Variants in SRPK2 observed in about 807,000 individuals in gnomAD.
SRPK2 encodes the protein SFRS protein kinase 2.
Under a neutral mutation model 90.8 loss-of-function variants are expected in SRPK2, and 21 were observed. That is an observed-to-expected ratio of 0.23 (90% CI 0.16 to 0.33). The LOEUF (loss-of-function observed/expected upper bound fraction) is 0.33, where lower values mean the gene tolerates loss of function less well. Among genes scored for constraint, SRPK2 ranks in the 10% least tolerant of loss-of-function variants. The pLI is 1.00. For synonymous variants in SRPK2, 288 were observed against 311.1 expected, an observed-to-expected ratio of 0.93 and a Z score of 0.78; for missense variants, 620 against 869.0, an observed-to-expected ratio of 0.71 and a Z score of 3.60.
Position 105,287,943 on chromosome 7 carries a change from T to C in SRPK2, c.72-84158A>G, listed in dbSNP as rs1163119832. On this transcript the variant is annotated intron_variant, in intron 2 of 15. Transcript: ENST00000393651. ...AAAATACATGCCTTTTGTGGTTATA[T>C]GGCTTTCAAATGGGTACTACACAAA... Among the ~76,000 whole-genome samples the C allele has an allele frequency of 2.0e-5, 3 of 152,206 alleles. 1 individual carries two copies. The highest frequency in any genetic ancestry group is 7.2e-5 in the African/African-American group (3 of 41,438).
intron 2 of SRPK2, among the ~76,000 whole-genome samples, chr7:105,238,597 C>T (rs1435073492): frequency 6.6e-6 from 1 of 152,242 alleles, no homozygotes; most frequent in Non-Finnish European, 1.5e-5. Flanking sequence ...CCATTGCCCA[C>T]TCTTTTATTA....
intron 2 of SRPK2, among the ~76,000 whole-genome samples, chr7:105,380,103 C>T (rs1366993981): frequency 6.6e-6 from 1 of 152,190 alleles, no homozygotes; most frequent in Non-Finnish European, 1.5e-5. Context: ...AAGCAAGATC[C>T]TATCTCTAAA....
intron 2 of SRPK2, among the ~76,000 whole-genome samples, chr7:105,378,130 T>C (rs974969940): frequency 6.6e-6 from 1 of 152,150 alleles, no homozygotes; most frequent in African/African-American, 2.4e-5. Flanking sequence ...TACACGCCAT[T>C]TTAAACCCCA....
intron 2 of SRPK2, among the ~76,000 whole-genome samples, chr7:105,251,788 A>G (rs1251392974): frequency 6.6e-6 from 1 of 152,206 alleles, no homozygotes; most frequent in Non-Finnish European, 1.5e-5. Flanking sequence ...GATGGGTACA[A>G]GAATTGAAAT....
intron 2 of SRPK2, among the ~76,000 whole-genome samples, chr7:105,366,731 A>G (rs1194679342): frequency 1.3e-5 from 2 of 152,248 alleles, no homozygotes; most frequent in Admixed American, 6.5e-5. Context: ...ATACAAGATA[A>G]AAGAATATTT....
chr7:105,318,270 T>C (rs1163367088), intron 2 of SRPK2, among the ~76,000 whole-genome samples: 1 of 151,992 alleles, frequency 6.6e-6, no homozygotes, highest in Admixed American at 6.6e-5. Context: ...AATTTTTGTA[T>C]TTTTAGTAGA....
At chr7:105,175,744 C>A (rs1051938816) in intron 3 of SRPK2, among the ~76,000 whole-genome samples, 4 of 151,880 alleles carry the variant, frequency 2.6e-5, no homozygotes, top group Middle Eastern at 3.4e-3. Flanking sequence ...TCATGTTATA[C>A]CTATACATGT....
At chr7:105,321,781 A>AAAC (rs916807429) in intron 2 of SRPK2, among the ~76,000 whole-genome samples, 1 of 152,226 alleles carries the variant, frequency 6.6e-6, no homozygotes, top group African/African-American at 2.4e-5. Flanking sequence ...AAAAAGTTAA[A>AAAC]AACAACAACA....
Position 105,182,677 on chromosome 7 carries a change from A to G in SRPK2, c.230-13412T>C, listed in dbSNP as rs140929490. The stretch of plus-strand genomic sequence containing the variant: ...GAGATGGGATTTGGCCATGTTGGCC[A>G]GGCTGGTCTCAAACTCCTAGCCTCA... On this transcript the variant is annotated intron_variant, in intron 3 of 15. Transcript: ENST00000393651. Among the ~76,000 whole-genome samples the G allele has an allele frequency of 3.1e-3, 469 of 152,334 alleles. 14 individuals carry two copies. The East Asian group carries it at 0.063, about 20-fold the overall frequency.
chr7:105,124,640 T>TAA lies in SRPK2; in HGVS notation c.1915+1606_1915+1607dup, dbSNP rs57925635. ...TGGACAACAAGAGCAAAACTCCATCTAAAAAAAAAAAAAAAAAAATCAATG... is the reference window on the plus strand; with the variant it reads ...TGGACAACAAGAGCAAAACTCCATCTAAAAAAAAAAAAAAAAAAAAATCAATG... On this transcript the variant is annotated intron_variant, in intron 15 of 15. Coordinates refer to ENST00000393651, the MANE Select transcript of SRPK2 (RefSeq NM_182692.3). 1.9e-4 allele frequency among the ~76,000 whole-genome samples: 10 copies of TAA among 52,924 alleles called. 2 individuals carry two copies. The highest frequency in any genetic ancestry group is 9.2e-4 in the South Asian group (1 of 1,084). 34.7% of individuals were successfully genotyped at this position (52,924 alleles called of 152,430 possible).
rs34445430 is a variant in SRPK2 at position 105,375,983 on chromosome 7, CTTTTTTTTTT to C, written c.71+12655_71+12664del. On this transcript the variant is annotated intron_variant, in intron 2 of 15. Transcript: ENST00000393651. ...TGGGCAACGTAATGAGAATTCATTTCTTTTTTTTTTTTTTTTTTTTTTTTTTTTGAGACAG... is the reference window on the plus strand; with the variant it reads ...TGGGCAACGTAATGAGAATTCATTTCTTTTTTTTTTTTTTTTTTGAGACAG... Among the ~76,000 whole-genome samples the C allele has an allele frequency of 2.9e-3, 184 of 63,176 alleles. 2 individuals are homozygous for C. Among genetic ancestry groups the C allele is most frequent in the African/African-American group, 0.011 (164 of 14,960 alleles). The allele number at this position is 63,176 out of a possible 152,430, so 41.4% of individuals were successfully genotyped here. A position where few individuals can be genotyped will look rare whatever the true frequency, so the allele number is the denominator to read the frequency against.
At chr7:105,335,669 A>G (rs1012652302) in intron 2 of SRPK2, among the ~76,000 whole-genome samples, 3 of 146,002 alleles carry the variant, frequency 2.1e-5, no homozygotes, top group South Asian at 2.2e-4. Context: ...AAAAAAAAAA[A>G]GCAGCCGGGC....
At chr7:105,131,271 C>T (rs1193533469) in intron 13 of SRPK2, among the ~76,000 whole-genome samples, 1 of 152,182 alleles carries the variant, frequency 6.6e-6, no homozygotes, top group Non-Finnish European at 1.5e-5. Context: ...CTCCCCGACT[C>T]CCACTCAGTG....
chr7:105,374,335 A>G (rs1405725764), intron 2 of SRPK2, among the ~76,000 whole-genome samples: 4 of 152,232 alleles, frequency 2.6e-5, no homozygotes, highest in Non-Finnish European at 5.9e-5. Flanking sequence ...ATAGTTAATT[A>G]GTCCTACTCC....
At chr7:105,270,410 CT>C (rs34076915) in intron 2 of SRPK2, among the ~76,000 whole-genome samples, 33,205 of 141,146 alleles carry the variant, frequency 0.24, 4,969 homozygotes, top group East Asian at 0.61. Flanking sequence ...CTCCTCTGCC[CT>C]TTTTTTTTTT....
chr7:105,277,219 G>C (rs1806640802), intron 2 of SRPK2, among the ~76,000 whole-genome samples: 1 of 152,070 alleles, frequency 6.6e-6, no homozygotes, highest in Non-Finnish European at 1.5e-5. Flanking sequence ...TGGGACTACA[G>C]GCGCCCACTA....
At position 105,248,435 on chromosome 7, in the gene SRPK2, T is replaced by TAAA. The variant is rs749982663; in HGVS notation, c.72-44651_72-44650insTTT. On this transcript the variant is annotated intron_variant, in intron 2 of 15. Transcript: ENST00000393651. The stretch of plus-strand genomic sequence containing the variant: ...GCGAGATGCCATCTTTACAAAAAAT[T>TAAA]TAAAAAAAAAAAAAAAAAAAAAGTC... Among the ~76,000 whole-genome samples the TAAA allele has an allele frequency of 4.4e-3, 481 of 109,620 alleles. 6 individuals are homozygous for TAAA. The highest frequency in any genetic ancestry group is 6.3e-3 in the East Asian group (27 of 4,258). 71.9% of individuals were successfully genotyped at this position (109,620 alleles called of 152,430 possible).
At chr7:105,317,693 G>C (rs1310565044) in intron 2 of SRPK2, among the ~76,000 whole-genome samples, 1 of 152,142 alleles carries the variant, frequency 6.6e-6, no homozygotes, top group Non-Finnish European at 1.5e-5. Context: ...CTTCAATTAA[G>C]CCAGACATTA....
At chr7:105,345,564 G>A (rs545873646) in intron 2 of SRPK2, among the ~76,000 whole-genome samples, 2 of 152,284 alleles carry the variant, frequency 1.3e-5, no homozygotes, top group South Asian at 2.1e-4. Flanking sequence ...TGTAACAATT[G>A]TAAGTTATTA....
Sources: allele counts gnomAD v4.1 joint callset (sites outside exome capture counted in the v4.1 genomes callset), GRCh38; gene constraint gnomAD v4.1.1; transcripts MANE v1.5; gene names NCBI Gene and HGNC (gene_info 2026-07-23, HGNC 2026-07-21).